TBCK: variants seen among roughly 807,000 people sequenced by gnomAD.
TBCK encodes TBC1 domain containing kinase, also known as TBC domain-containing protein kinase-like protein.
Under a neutral mutation model 113.4 loss-of-function variants are expected in TBCK, and 99 were observed. That is an observed-to-expected ratio of 0.87 (90% confidence interval 0.74 to 1.03). The LOEUF is 1.03. Ranked by LOEUF, TBCK falls within the 50% of genes least tolerant of loss-of-function variation. The pLI, the probability that TBCK is intolerant of heterozygous loss-of-function variation, is 0.00. For synonymous variants in TBCK, 369 were observed against 370.8 expected (o/e 1.00, Z 0.05); for missense variants, 1,045 against 1,061.3 (o/e 0.98, Z 0.21).
chr4:106,117,054 G>A (rs1175604395), intron 23 of TBCK, among the ~76,000 whole-genome samples: 4 of 151,972 alleles, frequency 2.6e-5, no homozygotes, highest in African/African-American at 4.8e-5. Flanking sequence ...GCTGGGGACC[G>A]CTGGTGTAAC....
At chr4:106,205,720 C>T (rs1419306227) in intron 20 of TBCK, among the ~76,000 whole-genome samples, 1 of 148,280 alleles carries the variant, frequency 6.7e-6, no homozygotes, top group South Asian at 2.1e-4. Context: ...GAGCCGAGAT[C>T]ACTGCACTTC....
chr4:106,253,225 A>AT (rs1761619146), intron 5 of TBCK, among the ~76,000 whole-genome samples: 1 of 152,184 alleles, frequency 6.6e-6, no homozygotes, highest in East Asian at 1.9e-4. Context: ...TCTGAACTTT[A>AT]TAACACTGGA....
intron 18 of TBCK, among the ~76,000 whole-genome samples, chr4:106,231,518 A>T (rs1005243529): frequency 1.3e-5 from 2 of 151,774 alleles, no homozygotes; most frequent in Admixed American, 6.6e-5. Context: ...AAATTCCACT[A>T]AATTTCTAGT....
At chr4:106,072,180 C>T (rs1194448294) in intron 25 of TBCK, among the ~76,000 whole-genome samples, 1 of 152,186 alleles carries the variant, frequency 6.6e-6, no homozygotes, top group Non-Finnish European at 1.5e-5. Context: ...GATGCAGTTT[C>T]TTCCTAGCAT....
At chr4:106,294,456 C>T (rs1766056543) in intron 3 of TBCK, among the ~76,000 whole-genome samples, 2 of 150,636 alleles carry the variant, frequency 1.3e-5, no homozygotes, top group African/African-American at 4.9e-5. Context: ...TGAAGCCCCA[C>T]TCTTATACTA....
In TBCK at chr4:106,262,255, T is replaced by C. The variant is rs755343004; in HGVS notation, c.267-43A>G. 4.4e-6 allele frequency: 5 copies of C among 1,148,982 alleles called. No individual in the cohort carries two copies. The South Asian group carries it at 7.1e-5, about 16-fold the overall frequency. 71.2% of individuals were successfully genotyped at this position (1,148,982 alleles called of 1,614,324 possible). Reference sequence around the variant, plus strand: ...AGTCAAAGATCAATTACAAAGCAAATAAATAACTTGTTTTAACAAGTGAAA... The same window carrying C: ...AGTCAAAGATCAATTACAAAGCAAACAAATAACTTGTTTTAACAAGTGAAA... On this transcript the variant is annotated intron_variant, in intron 3 of 25. Transcript: ENST00000394708.
chr4:106,075,910 G>C (rs1165163430), intron 25 of TBCK, among the ~76,000 whole-genome samples: 2 of 152,230 alleles, frequency 1.3e-5, no homozygotes, highest in African/African-American at 4.8e-5. Context: ...ATCTGTGAAA[G>C]TCAGAATAAG....
chr4:106,105,157 A>T (rs1741995172), intron 24 of TBCK, among the ~76,000 whole-genome samples: 1 of 152,156 alleles, frequency 6.6e-6, no homozygotes, highest in Non-Finnish European at 1.5e-5. Flanking sequence ...TACCTCCAAC[A>T]AGCTGCAGTT....
intron 22 of TBCK, among the ~76,000 whole-genome samples, chr4:106,173,721 C>T (rs1302384423): frequency 1.3e-5 from 2 of 152,082 alleles, no homozygotes; most frequent in Non-Finnish European, 2.9e-5. Context: ...TCACTTGACT[C>T]ATGTCACCTC....
chr4:106,171,832 T>C (rs752285668), intron 22 of TBCK, among the ~76,000 whole-genome samples: 2 of 152,068 alleles, frequency 1.3e-5, no homozygotes, highest in Non-Finnish European at 2.9e-5. Context: ...TTTCTCAATT[T>C]TTTTTTTCCT....
In TBCK at chr4:106,252,274, AAC is replaced by A. The variant is rs377600722; in HGVS notation, c.456-269_456-268del. Among the ~76,000 whole-genome samples the A allele has an allele frequency of 8.0e-4, 122 of 152,166 alleles. 1 individual carries two copies. The East Asian group carries it at 0.02, about 25-fold the overall frequency. Reference sequence around the variant, plus strand: ...TTTATTTGCTTCTCTCTGTGTTTTTAACACAGTCCTCTAGGCTTCCAAGTGTT... The same window carrying A: ...TTTATTTGCTTCTCTCTGTGTTTTTAACAGTCCTCTAGGCTTCCAAGTGTT... On this transcript the variant is annotated intron_variant, in intron 5 of 25. Coordinates refer to ENST00000394708, the MANE Select transcript of TBCK (RefSeq NM_001163435.3).
In TBCK at chr4:106,212,779, G is replaced by T; in HGVS notation, c.1831C>A (p.His611Asn). 6.2e-7 allele frequency: 1 copy of T among 1,611,784 alleles called. No homozygotes were observed. The highest frequency in any genetic ancestry group is 8.5e-7 in the Non-Finnish European group (1 of 1,178,738). Residue 611 changes from histidine to asparagine, a missense_variant, in exon 20 of 26, where the codon CAT (histidine) becomes AAT (asparagine). By Grantham distance (68) the His-to-Asn change is moderately conservative. Coordinates refer to ENST00000394708, the MANE Select transcript of TBCK (RefSeq NM_001163435.3). Reference sequence around the variant, plus strand: ...GGAATGAAACCAATCTCATTGAGATGATTACTCAGCTCTGGATCATGAAAT... The same window carrying T: ...GGAATGAAACCAATCTCATTGAGATTATTACTCAGCTCTGGATCATGAAAT... ...IAFHDPELSN[H>N]LNEIGFIPDL...
intron 25 of TBCK, among the ~76,000 whole-genome samples, chr4:106,067,906 C>G (rs956101117): frequency 6.6e-6 from 1 of 152,042 alleles, no homozygotes; most frequent in Non-Finnish European, 1.5e-5. Context: ...AGTAAATTCT[C>G]AAATCAAGAA....
intron 22 of TBCK, among the ~76,000 whole-genome samples, chr4:106,193,223 G>C (rs745493164): frequency 2.8e-4 from 42 of 152,276 alleles, no homozygotes; most frequent in Non-Finnish European, 5.0e-4. Context: ...ACAAAGTTTT[G>C]TGAATTGTAT....
At chr4:106,047,088 C>T (rs571447623) in intron 25 of TBCK, among the ~76,000 whole-genome samples, 17 of 152,126 alleles carry the variant, frequency 1.1e-4, no homozygotes, top group African/African-American at 3.6e-4. Flanking sequence ...CTCAAATGTA[C>T]ATTGAAAAAA....
At chr4:106,271,348 T>C (rs974120529) in intron 3 of TBCK, among the ~76,000 whole-genome samples, 4 of 152,298 alleles carry the variant, frequency 2.6e-5, no homozygotes, top group African/African-American at 9.6e-5. Context: ...TATTAATAAA[T>C]ATGGATTCTT....
intron 20 of TBCK, among the ~76,000 whole-genome samples, chr4:106,211,510 A>T (rs2149885136): frequency 6.6e-6 from 1 of 152,212 alleles, no homozygotes; most frequent in East Asian, 1.9e-4. Flanking sequence ...GTTTTGTAAA[A>T]CTTATTTTAG....
intron 21 of TBCK, among the ~76,000 whole-genome samples, 154 bp downstream of exon 21, chr4:106,194,556 AGAACAACT>A (rs978607376): frequency 1.3e-5 from 2 of 152,036 alleles, no homozygotes; most frequent in African/African-American, 4.8e-5. Context: ...TTCAGGGATC[AGAACAACT>A]GAAATTCTTT....
intron 6 of TBCK, among the ~76,000 whole-genome samples, chr4:106,251,658 T>A (rs1033819068): frequency 3.9e-5 from 6 of 151,994 alleles, no homozygotes; most frequent in Non-Finnish European, 8.8e-5. Context: ...TGGTAACATT[T>A]ACATTCACAC....
Sources: gnomAD v4.1 joint callset for allele counts (sites outside exome capture counted in the v4.1 genomes callset) on GRCh38, gnomAD v4.1.1 for gene constraint, MANE v1.5 for transcripts, NCBI Gene and HGNC (gene_info 2026-07-23, HGNC 2026-07-21) for gene names.